The following ASB11 variants were observed in gnomAD, a reference collection of about 807,000 sequenced individuals.
ASB11 encodes the protein ankyrin repeat and SOCS box protein 11.
Under a neutral mutation model 20.1 loss-of-function variants are expected in ASB11, and 17 were observed. That is an observed-to-expected ratio of 0.85 (90% CI 0.58 to 1.27). ASB11 has a LOEUF of 1.27. Ranked by LOEUF, ASB11 falls within the 50% of genes most tolerant of loss-of-function variation. ASB11 has a pLI of 0.00. For missense variants in ASB11, 259 were observed against 256.9 expected (o/e 1.01, Z -0.06); for synonymous variants, 107 against 105.6 (o/e 1.01, Z -0.08).
intron 3 of ASB11, among the ~76,000 whole-genome samples, chrX:15,294,222 G>A (rs145428689): frequency 2.3e-3 from 255 of 111,538 alleles, no homozygotes; most frequent in African/African-American, 8.1e-3. Context: ...AACCGCAGGA[G>A]TGGTAGGGAG....
In ASB11 at chrX:15,288,017, C is replaced by T. The variant is rs745370216; in HGVS notation, c.711G>A (p.Arg237=). 3 of 1,212,080 alleles carry T rather than the reference C, an allele frequency of 2.5e-6. No homozygotes were observed. Among genetic ancestry groups the T allele is most frequent in the Non-Finnish European group, 3.3e-6 (3 of 895,553 alleles). The change falls in exon 6 of 7, where the codon AGG becomes AGA. Residue 237 remains arginine (R), a synonymous_variant. Coordinates refer to ENST00000480796, the MANE Select transcript of ASB11 (RefSeq NM_080873.3). ...WLDTPLHAAA[R]QSNVEVIHLL... ...GGTGGATGACCTCCACATTGGACTGCCTCGCTGCAGCATGGAGTGGGGTGT... is the reference window on the plus strand; with the variant it reads ...GGTGGATGACCTCCACATTGGACTGTCTCGCTGCAGCATGGAGTGGGGTGT...
chrX:15,315,586 A>C lies in ASB11; in HGVS notation c.20T>G (p.Phe7Cys). 6 of 1,177,228 alleles carry C rather than the reference A, an allele frequency of 5.1e-6. No homozygotes were observed. The highest frequency in any genetic ancestry group is 6.8e-6 in the Non-Finnish European group (6 of 881,287). ...AATAAAAATGTTTTTAAAGCCATAG[A>C]AAACAGGACCATCTTCCATTTTGGC... Reference protein sequence around the residue: MEDGPVFYGFKNIFITM... With the variant: MEDGPVCYGFKNIFITM... The change falls in exon 1 of 7, where the codon TTC becomes TGC. Residue 7 changes from phenylalanine (F) to cysteine (C), a missense_variant. By Grantham distance (205) the Phe-to-Cys change is radical (BLOSUM62 -2). Transcript: ENST00000480796.
intron 1 of ASB11, among the ~76,000 whole-genome samples, chrX:15,310,859 C>T (rs1012698312): frequency 1.1e-4 from 12 of 111,068 alleles, no homozygotes; most frequent in South Asian, 7.6e-4. Context: ...TGGTGGCGGG[C>T]GCCTGTACTC....
intron 3 of ASB11, among the ~76,000 whole-genome samples, chrX:15,294,133 G>C (rs1920951179): frequency 8.9e-6 from 1 of 112,189 alleles, no homozygotes; most frequent in Non-Finnish European, 1.9e-5. Flanking sequence ...TACCTTGTAG[G>C]GATGTGGGAA....
At chrX:15,289,762 G>A (rs1432936654) in intron 4 of ASB11, 124 bp from the exon 5 acceptor site, 3 of 797,810 alleles carry the variant, frequency 3.8e-6, no homozygotes, top group African/African-American at 4.3e-5. Context: ...GGTGGCTCAC[G>A]CCTGTAATCT....
At chrX:15,290,984 G>A (rs1436010664) in intron 4 of ASB11, among the ~76,000 whole-genome samples, 1 of 111,165 alleles carries the variant, frequency 9.0e-6, no homozygotes, top group Non-Finnish European at 1.9e-5. Flanking sequence ...AAACTACTTG[G>A]AAAATACAGG....
At chrX:15,291,412 T>G (rs1927526250) in intron 4 of ASB11, among the ~76,000 whole-genome samples, 1 of 112,279 alleles carries the variant, frequency 8.9e-6, no homozygotes, top group African/African-American at 3.2e-5. Context: ...AAAAATTTAC[T>G]TCAAATCAAT....
At chrX:15,296,324 T>A (rs1383507722) in intron 3 of ASB11, among the ~76,000 whole-genome samples, 1 of 110,005 alleles carries the variant, frequency 9.1e-6, no homozygotes, top group Non-Finnish European at 1.9e-5. Flanking sequence ...GGAAAATTAG[T>A]TTTCACAAGG....
intron 3 of ASB11, among the ~76,000 whole-genome samples, chrX:15,296,375 C>T (rs1485226333): frequency 8.9e-6 from 1 of 111,899 alleles, no homozygotes; most frequent in African/African-American, 3.2e-5. Context: ...AACCCGATTT[C>T]CATATAAAAT....
At chrX:15,311,021 C>A (rs1293751277) in intron 1 of ASB11, among the ~76,000 whole-genome samples, 1 of 112,174 alleles carries the variant, frequency 8.9e-6, no homozygotes, top group Admixed American at 9.5e-5. Context: ...TGAAACAAAT[C>A]TTCTGTAGCA....
At position 15,282,678 on chromosome X, in the gene ASB11, C is replaced by G. The variant is rs1927214616; in HGVS notation, c.*827G>C. 1 of 110,270 alleles carries G rather than the reference C, an allele frequency of 9.1e-6. No homozygotes were observed. The highest frequency in any genetic ancestry group is 1.9e-5 in the Non-Finnish European group (1 of 52,913). 9.1% of individuals were successfully genotyped at this position (110,270 alleles called of 1,213,427 possible). ...AGCATTTAATATCAGAAGCAATAAG[C>G]AATAGATGCCAACCTCTGGGTGCAC... is the stretch of plus-strand genomic sequence containing the variant. On this transcript the variant is annotated 3_prime_UTR_variant, in exon 7 of 7. Coordinates refer to ENST00000480796, the MANE Select transcript of ASB11 (RefSeq NM_080873.3).
chrX:15,284,262 A>AC (rs1325405637), intron 6 of ASB11, among the ~76,000 whole-genome samples: 1 of 107,829 alleles, frequency 9.3e-6, no homozygotes, highest in Non-Finnish European at 1.9e-5. Flanking sequence ...AAAAAAAAAA[A>AC]AAAAAAAAGA....
At chrX:15,285,140 C>CTTTTTT (rs767822616) in intron 6 of ASB11, among the ~76,000 whole-genome samples, 3 of 81,568 alleles carry the variant, frequency 3.7e-5, no homozygotes, top group African/African-American at 9.2e-5. Flanking sequence ...TTTAATCTTT[C>CTTTTTT]TTTTTTTTTT....
intron 2 of ASB11, among the ~76,000 whole-genome samples, chrX:15,300,905 G>A (rs12690160): frequency 0.35 from 38,726 of 110,575 alleles, 5,051 homozygotes; most frequent in South Asian, 0.58. Flanking sequence ...GTGGGTGGGA[G>A]ACTGAGAGAG....
At chrX:15,310,631 T>G (rs947227294) in intron 1 of ASB11, among the ~76,000 whole-genome samples, 4 of 112,660 alleles carry the variant, frequency 3.6e-5, no homozygotes, top group African/African-American at 1.3e-4. Flanking sequence ...ACGATTAAAC[T>G]GTTTTTGTAA....
chrX:15,284,267 A>AAG (rs1555938405), intron 6 of ASB11, among the ~76,000 whole-genome samples: 142 of 88,841 alleles, frequency 1.6e-3, no homozygotes, highest in African/African-American at 5.2e-3. Flanking sequence ...AAAAAAAAAA[A>AAG]AAAGAAAGAA....
chrX:15,314,397 C>A lies in ASB11; in HGVS notation c.181+1028G>T, dbSNP rs761126982. ...CCTGAAATGTGTGACAAATATAATC[C>A]CCAAAAGAAATCTCTTTCCATGGTC... On this transcript the variant is annotated intron_variant, in intron 1 of 6. Transcript: ENST00000480796. 2.0e-5 allele frequency: 24 copies of A among 1,188,521 alleles called. No homozygotes were observed. In the South Asian group the frequency reaches 4.6e-4, roughly 23 times the overall value.
chrX:15,288,981 T>A (rs746198119), intron 5 of ASB11, among the ~76,000 whole-genome samples: 1 of 112,026 alleles, frequency 8.9e-6, no homozygotes, highest in Non-Finnish European at 1.9e-5. Context: ...TGTAGCAGGA[T>A]AGATATAAAC....
Position 15,303,564 on chromosome X carries a change from T to G in ASB11, c.182-757A>C, listed in dbSNP as rs145391252. On this transcript the variant is annotated intron_variant, in intron 1 of 6. Transcript: ENST00000480796. ...GCAGAATGTCATTTTTCAGACAATT[T>G]AATCTCCCAAAAGTTTTTCCCTAAA... Among the ~76,000 whole-genome samples, 367 of 111,587 alleles carry G rather than the reference T, an allele frequency of 3.3e-3. 2 individuals are homozygous for G. The highest frequency in any genetic ancestry group is 0.011 in the African/African-American group (341 of 30,733).
Sources: gnomAD v4.1 joint callset for allele counts (sites outside exome capture counted in the v4.1 genomes callset) on GRCh38, gnomAD v4.1.1 for gene constraint, MANE v1.5 for transcripts, NCBI Gene and HGNC (gene_info 2026-07-23, HGNC 2026-07-21) for gene names.